The following C6 variants were observed in gnomAD, a reference collection of about 807,000 sequenced individuals.
The protein encoded by C6 is complement C6.
In C6, 101 loss-of-function variants were observed where a neutral mutation model predicts 112.9. The observed-to-expected ratio is 0.89, with a 90% CI of 0.76 to 1.06. The LOEUF is 1.06. C6 is among the 50% of genes least tolerant of loss of function. The pLI, the probability that C6 is intolerant of heterozygous loss-of-function variation, is 0.00. For synonymous variants in C6, 431 were observed against 384.1 expected (o/e 1.12, Z -1.43); for missense variants, 1,202 against 1,104.6 (o/e 1.09, Z -1.25).
chr5:41,191,553 C>A (rs1270167972), intron 5 of C6, among the ~76,000 whole-genome samples: 4 of 152,094 alleles, frequency 2.6e-5, no homozygotes, highest in Non-Finnish European at 4.4e-5. Flanking sequence ...AAACAGGATG[C>A]CTTCCCATTT....
chr5:41,254,314 G>A (rs111805157), intron 1 of C6, among the ~76,000 whole-genome samples: 10,593 of 152,222 alleles, frequency 0.07, 575 homozygotes, highest in African/African-American at 0.14. Flanking sequence ...GCTGAGGCAG[G>A]AGAATGGCGT....
intron 1 of C6, among the ~76,000 whole-genome samples, chr5:41,238,458 G>C (rs1030951059): frequency 6.6e-6 from 1 of 152,070 alleles, no homozygotes; most frequent in Non-Finnish European, 1.5e-5. Context: ...ATAATAAATG[G>C]CATTATTGCC....
At chr5:41,245,916 A>T (rs1381352959) in intron 1 of C6, among the ~76,000 whole-genome samples, 2 of 152,170 alleles carry the variant, frequency 1.3e-5, no homozygotes, top group Non-Finnish European at 2.9e-5. Context: ...AAGTAATGCC[A>T]TTTTAGTTTG....
intron 16 of C6, among the ~76,000 whole-genome samples, 192 bp downstream of exon 16, chr5:41,149,743 G>T (rs1418473256): frequency 6.6e-6 from 1 of 152,184 alleles, no homozygotes; most frequent in Non-Finnish European, 1.5e-5. Context: ...ACAGGGAACT[G>T]GGCTGAGAGA....
At chr5:41,255,703 G>A (rs114834397) in intron 1 of C6, among the ~76,000 whole-genome samples, 1,657 of 152,258 alleles carry the variant, frequency 0.011, 29 homozygotes, top group African/African-American at 0.039. Context: ...CTGAATTTAC[G>A]TGCTATAGGT....
At chr5:41,231,286 A>G (rs1739881585) in intron 1 of C6, among the ~76,000 whole-genome samples, 3 of 152,074 alleles carry the variant, frequency 2.0e-5, no homozygotes, top group African/African-American at 7.2e-5. Context: ...TCTTTCTCTT[A>G]CTGTCTTACT....
intron 6 of C6, 94 bp downstream of exon 6, chr5:41,185,976 A>G: frequency 6.7e-7 from 1 of 1,482,216 alleles, no homozygotes; most frequent in Non-Finnish European, 9.4e-7. Context: ...CCACCTTTTT[A>G]TTCTGTCCCT....
intron 1 of C6, among the ~76,000 whole-genome samples, chr5:41,219,499 C>T (rs1156243929): frequency 2.6e-5 from 4 of 152,102 alleles, no homozygotes; most frequent in African/African-American, 9.7e-5. Flanking sequence ...CTTGAAATAA[C>T]TCTGACAAAG....
intron 6 of C6, among the ~76,000 whole-genome samples, chr5:41,182,439 A>G (rs907801286): frequency 4.6e-5 from 7 of 152,154 alleles, no homozygotes; most frequent in African/African-American, 1.7e-4. Context: ...ACTTGTCTTG[A>G]TTAAAATGCT....
In C6 at chr5:41,163,310, C is replaced by CTTTTT. The variant is rs35341613; in HGVS notation, c.1292-1456_1292-1452dup. Among the ~76,000 whole-genome samples, 266 of 134,516 alleles carry CTTTTT rather than the reference C, an allele frequency of 2.0e-3. 3 individuals are homozygous for CTTTTT. Among genetic ancestry groups the CTTTTT allele is most frequent in the Admixed American group, 5.0e-3 (64 of 12,800 alleles). 88.2% of individuals were successfully genotyped at this position (134,516 alleles called of 152,430 possible). ...TGTAATATATGTATTTATCAATGAA[C>CTTTTT]TTTTTTTTTTTTTTTTTTTGAGATA... On this transcript the variant is annotated intron_variant, in intron 9 of 17. Coordinates refer to ENST00000337836, the MANE Select transcript of C6 (RefSeq NM_000065.5).
intron 15 of C6, among the ~76,000 whole-genome samples, chr5:41,150,655 G>C (rs1746300169): frequency 6.6e-6 from 1 of 152,132 alleles, no homozygotes; most frequent in Admixed American, 6.5e-5. Context: ...TTGGGAGGCT[G>C]AGGCAGGCAG....
intron 1 of C6, among the ~76,000 whole-genome samples, chr5:41,212,662 G>A (rs1752022458): frequency 6.6e-6 from 1 of 152,030 alleles, no homozygotes; most frequent in African/African-American, 2.4e-5. Flanking sequence ...GGTCAATAGA[G>A]GAAGATAGGA....
In C6 at chr5:41,191,257, G is replaced by A. The variant is rs568768366; in HGVS notation, c.587+4535C>T. 4.0e-5 allele frequency among the ~76,000 whole-genome samples: 6 copies of A among 151,822 alleles called. No homozygotes were observed. The East Asian group carries it at 9.8e-4, about 25-fold the overall frequency. ...AATTTTTGTATTTTTAGTAGAGATG[G>A]GGTTTCACTATGTTGGCCAGACTTG... On this transcript the variant is annotated intron_variant, in intron 5 of 17. Transcript: ENST00000337836.
At chr5:41,235,075 A>AT (rs1437278406) in intron 1 of C6, among the ~76,000 whole-genome samples, 5 of 85,812 alleles carry the variant, frequency 5.8e-5, no homozygotes, top group Non-Finnish European at 8.6e-5. Flanking sequence ...TTTTTTTTTA[A>AT]TGTTTTTTTT....
chr5:41,215,390 A>G (rs566711186), upstream of C6, among the ~76,000 whole-genome samples: 5 of 152,236 alleles, frequency 3.3e-5, no homozygotes, highest in African/African-American at 1.2e-4. Flanking sequence ...TGAGTAGGTG[A>G]TTGTTTCAGA....
At position 41,226,485 on chromosome 5, in the gene C6, GT is replaced by G. The variant is rs983112053; in HGVS notation, c.-20-23236del. On this transcript the variant is annotated intron_variant, in intron 1 of 17. Coordinates refer to the C6 transcript ENST00000263413. Reference sequence around the variant, plus strand: ...CTGGAGAAGGTGTGGAGAAATAGCAGTTTTCAACTGTAGAGTACATTGTGAT... The same window carrying G: ...CTGGAGAAGGTGTGGAGAAATAGCAGTTTCAACTGTAGAGTACATTGTGAT... Among the ~76,000 whole-genome samples the G allele has an allele frequency of 2.3e-4, 35 of 152,202 alleles. 1 individual carries two copies. The highest frequency in any genetic ancestry group is 8.2e-4 in the African/African-American group (34 of 41,574).
At chr5:41,245,189 C>T (rs1390953998) in intron 1 of C6, among the ~76,000 whole-genome samples, 1 of 152,174 alleles carries the variant, frequency 6.6e-6, no homozygotes, top group East Asian at 1.9e-4. Flanking sequence ...GCCACCTTCC[C>T]TACTTTTCTG....
intron 1 of C6, chr5:41,203,726 G>A (rs1751210762): frequency 5.6e-6 from 1 of 179,136 alleles, no homozygotes; most frequent in Non-Finnish European, 1.2e-5. Context: ...CTGCTAAAGA[G>A]AACGTTCACT....
chr5:41,162,801 T>C (rs1489880662), intron 9 of C6, among the ~76,000 whole-genome samples: 1 of 152,148 alleles, frequency 6.6e-6, no homozygotes, highest in Non-Finnish European at 1.5e-5. Flanking sequence ...TGGCTGCTTT[T>C]AGAGTCAAGT....
Sources: allele counts gnomAD v4.1 joint callset (sites outside exome capture counted in the v4.1 genomes callset), GRCh38; gene constraint gnomAD v4.1.1; transcripts MANE v1.5; gene names NCBI Gene and HGNC (gene_info 2026-07-23, HGNC 2026-07-21).